The following TBL1XR1 variants were observed in gnomAD, a reference collection of about 807,000 sequenced individuals.
TBL1XR1 encodes the protein F-box-like/WD repeat-containing protein TBL1XR1.
TBL1XR1 carries 5 observed loss-of-function variants against 66.9 expected under a neutral mutation model. The observed-to-expected ratio is 0.07, with a 90% CI of 0.04 to 0.16. TBL1XR1 has a LOEUF of 0.16. Ranked by LOEUF, TBL1XR1 falls within the 10% of genes least tolerant of loss-of-function variation. TBL1XR1 has a pLI of 1.00. For missense variants in TBL1XR1, 238 were observed against 623.2 expected (o/e 0.38, Z 6.58); for synonymous variants, 210 against 206.0 (o/e 1.02, Z -0.17).
At chr3:177,038,267 T>C (rs1458424454) in intron 11 of TBL1XR1, 46 bp downstream of exon 11, 2 of 1,594,644 alleles carry the variant, frequency 1.3e-6, no homozygotes, top group African/African-American at 1.3e-5. Flanking sequence ...TCTGAAACAT[T>C]ACTTGTTAAT....
chr3:177,178,954 T>C (rs1734474457), intron 1 of TBL1XR1, among the ~76,000 whole-genome samples: 2 of 151,780 alleles, frequency 1.3e-5, no homozygotes, highest in African/African-American at 4.8e-5. Context: ...CCCGTTCTAC[T>C]AAAAATACAA....
intron 1 of TBL1XR1, among the ~76,000 whole-genome samples, chr3:177,124,999 G>C (rs1283998174): frequency 2.0e-5 from 3 of 151,874 alleles, no homozygotes; most frequent in Non-Finnish European, 4.4e-5. Flanking sequence ...CAATCTTTAT[G>C]ACCTTGGATT....
intron 2 of TBL1XR1, among the ~76,000 whole-genome samples, chr3:177,088,997 C>T (rs148729611): frequency 5.0e-4 from 76 of 152,072 alleles, no homozygotes; most frequent in Non-Finnish European, 9.3e-4. Context: ...TAATCATTGA[C>T]TCCTCGCTAT....
chr3:177,187,520 T>C (rs1361312235), intron 1 of TBL1XR1, among the ~76,000 whole-genome samples: 1 of 152,140 alleles, frequency 6.6e-6, no homozygotes, highest in East Asian at 1.9e-4. Context: ...AATAGACATT[T>C]ATAGAAGCTA....
intron 1 of TBL1XR1, among the ~76,000 whole-genome samples, chr3:177,186,637 C>T (rs1427135165): frequency 6.6e-6 from 1 of 152,182 alleles, no homozygotes; most frequent in Non-Finnish European, 1.5e-5. Context: ...AAGGTAACCA[C>T]TAAAATATGT....
chr3:177,200,831 C>A (rs1737325631), upstream of TBL1XR1, among the ~76,000 whole-genome samples: 1 of 151,866 alleles, frequency 6.6e-6, no homozygotes, highest in Non-Finnish European at 1.5e-5. Context: ...CATGGTGAAA[C>A]CTCGTCTGTA....
intron 1 of TBL1XR1, among the ~76,000 whole-genome samples, chr3:177,176,757 G>A (rs1382767388): frequency 1.3e-5 from 2 of 152,210 alleles, no homozygotes; most frequent in East Asian, 3.9e-4. Flanking sequence ...AGAGGTTGCA[G>A]TGAGCCAAGA....
chr3:177,129,791 G>C (rs967232285), intron 1 of TBL1XR1, among the ~76,000 whole-genome samples: 3 of 152,128 alleles, frequency 2.0e-5, no homozygotes, highest in African/African-American at 4.8e-5. Context: ...ACACACACTG[G>C]TGGTAGAAAT....
At chr3:177,043,878 C>T (rs1012022956) in intron 10 of TBL1XR1, among the ~76,000 whole-genome samples, 1 of 152,122 alleles carries the variant, frequency 6.6e-6, no homozygotes, top group African/African-American at 2.4e-5. Context: ...TTATAGTGCA[C>T]ACCTTTAACT....
chr3:177,165,772 AG>A (rs1732748759), intron 1 of TBL1XR1, among the ~76,000 whole-genome samples: 1 of 152,214 alleles, frequency 6.6e-6, no homozygotes, highest in African/African-American at 2.4e-5. Flanking sequence ...GTCTAGACTC[AG>A]CCCTCACACT....
chr3:177,134,546 A>C (rs1728675662), intron 1 of TBL1XR1, among the ~76,000 whole-genome samples: 1 of 152,242 alleles, frequency 6.6e-6, no homozygotes, highest in African/African-American at 2.4e-5. Context: ...TAGGCAAAAC[A>C]GTACTACAAT....
intron 1 of TBL1XR1, among the ~76,000 whole-genome samples, chr3:177,135,361 ATATATATATATATATATATATGTATG>A (rs1728853701): frequency 3.0e-5 from 1 of 33,584 alleles, no homozygotes; most frequent in African/African-American, 1.3e-4. Context: ...ATATATATAT[ATATATATATATATATATATATGTATG>A]TATTTTTTTT....
chr3:177,144,220 T>C (rs907676999), intron 1 of TBL1XR1, among the ~76,000 whole-genome samples: 16 of 151,800 alleles, frequency 1.1e-4, no homozygotes, highest in African/African-American at 3.9e-4. Flanking sequence ...CACTCCAGCC[T>C]GGGAAACAAG....
Position 177,094,848 on chromosome 3 carries a change from A to G in TBL1XR1, c.-46+3618T>C, listed in dbSNP as rs1723263675. ...AGGGTGGGGGATGGAGAGGGATGAA[A>G]GACTACACACTGGGTACAGTGTACA... On this transcript the variant is annotated intron_variant, in intron 2 of 15. Transcript: ENST00000457928. Among the ~76,000 whole-genome samples, 3 of 152,232 alleles carry G rather than the reference A, an allele frequency of 2.0e-5. No individual in the cohort carries two copies. The South Asian group carries it at 6.2e-4, about 32-fold the overall frequency.
chr3:177,097,700 T>TA (rs1225436482), intron 2 of TBL1XR1, among the ~76,000 whole-genome samples: 1 of 152,156 alleles, frequency 6.6e-6, no homozygotes, highest in African/African-American at 2.4e-5. Context: ...TGCACATAAC[T>TA]AAAAAATATT....
intron 5 of TBL1XR1, among the ~76,000 whole-genome samples, chr3:177,051,194 G>A (rs1281021501): frequency 1.3e-5 from 2 of 152,094 alleles, no homozygotes; most frequent in African/African-American, 4.8e-5. Context: ...AGGGAAACAA[G>A]TTGGTGCAAG....
At chr3:177,090,075 C>G (rs930678909) in intron 2 of TBL1XR1, among the ~76,000 whole-genome samples, 1 of 152,158 alleles carries the variant, frequency 6.6e-6, no homozygotes, top group Admixed American at 6.5e-5. Context: ...TTTCATGCTC[C>G]TATCTAAAAA....
intron 2 of TBL1XR1, among the ~76,000 whole-genome samples, chr3:177,065,796 C>T (rs1423522646): frequency 6.6e-6 from 1 of 152,192 alleles, no homozygotes; most frequent in African/African-American, 2.4e-5. Flanking sequence ...GTTACAATTA[C>T]TCAATTCTGC....
rs555569966 is a variant in TBL1XR1 at position 177,140,048 on chromosome 3, A to C, written c.-121-41507T>G. On this transcript the variant is annotated intron_variant, in intron 1 of 15. Transcript: ENST00000457928. ...CCAGGTGCGGTGGCTCACGCCTGCA[A>C]TCCCAGCACTTTGGGAGGCCAAGGT... 2.6e-5 allele frequency among the ~76,000 whole-genome samples: 4 copies of C among 152,318 alleles called. No homozygotes were observed. In the East Asian group the frequency reaches 7.7e-4, roughly 29 times the overall value.
Sources: gnomAD v4.1 joint callset for allele counts (sites outside exome capture counted in the v4.1 genomes callset) on GRCh38, gnomAD v4.1.1 for gene constraint, MANE v1.5 for transcripts, NCBI Gene and HGNC (gene_info 2026-07-23, HGNC 2026-07-21) for gene names.